The following NRXN1 variants were observed in gnomAD, a reference collection of about 807,000 sequenced individuals.
NRXN1 encodes neurexin 1, also known as neurexin-1.
NRXN1 carries 39 observed loss-of-function variants against 150.9 expected under a neutral mutation model. That is an observed-to-expected ratio of 0.26 (90% CI 0.20 to 0.34). The LOEUF (loss-of-function observed/expected upper bound fraction) is 0.34. NRXN1 is among the 10% of genes least tolerant of loss of function. The probability of loss-of-function intolerance (pLI) is 1.00; values close to 1 mark genes in which losing one functional copy is unlikely to be tolerated. For synonymous variants in NRXN1, 924 were observed against 757.0 expected (o/e 1.22, Z -3.62); for missense variants, 1,815 against 1,949.9 (o/e 0.93, Z 1.30).
chr2:50,774,794 T>A (rs918187294), intron 5 of NRXN1, among the ~76,000 whole-genome samples: 29 of 152,114 alleles, frequency 1.9e-4, no homozygotes, highest in South Asian at 6.2e-4. Flanking sequence ...CATCCATAAA[T>A]TTTTTCTTAC....
chr2:50,409,475 A>G lies in NRXN1; in HGVS notation c.3364+55967T>C, dbSNP rs76764298. On this transcript the variant is annotated intron_variant, in intron 17 of 22. Coordinates refer to ENST00000401669, the MANE Select transcript of NRXN1 (RefSeq NM_001330078.2). ...AGGCAAAGAGAAAATGACCATTTGC[A>G]TCTCTTGGTTATAAGTAGGCTTGTC... 3.6e-3 allele frequency among the ~76,000 whole-genome samples: 542 copies of G among 152,344 alleles called. 3 individuals are homozygous for G. The highest frequency in any genetic ancestry group is 0.012 in the African/African-American group (493 of 41,582).
intron 5 of NRXN1, among the ~76,000 whole-genome samples, chr2:50,716,114 T>G (rs1347344101): frequency 6.6e-6 from 1 of 152,130 alleles, no homozygotes; most frequent in African/African-American, 2.4e-5. Context: ...ATGACTAATA[T>G]AAAAATTGGC....
chr2:51,007,761 A>G (rs2105158009), intron 2 of NRXN1, among the ~76,000 whole-genome samples: 1 of 152,052 alleles, frequency 6.6e-6, no homozygotes, highest in South Asian at 2.1e-4. Context: ...TTGTGGACAA[A>G]TACATAGAGT....
intron 2 of NRXN1, among the ~76,000 whole-genome samples, chr2:50,991,142 T>C (rs1000974307): frequency 1.3e-5 from 2 of 152,056 alleles, no homozygotes; most frequent in African/African-American, 2.4e-5. Flanking sequence ...CATTTCTTTG[T>C]TGTCCTGAAT....
intron 18 of NRXN1, among the ~76,000 whole-genome samples, chr2:50,152,788 G>T (rs894127991): frequency 5.9e-5 from 9 of 151,650 alleles, no homozygotes; most frequent in African/African-American, 2.2e-4. Context: ...ATTCTAATAT[G>T]ACTCAGTGGT....
At chr2:50,665,556 T>A (rs372240514) in intron 5 of NRXN1, among the ~76,000 whole-genome samples, 1 of 151,942 alleles carries the variant, frequency 6.6e-6, no homozygotes, top group Non-Finnish European at 1.5e-5. Flanking sequence ...TGCTCACCAC[T>A]TGAAGTCAGA....
At chr2:50,069,542 T>C (rs1013091462) in intron 19 of NRXN1, among the ~76,000 whole-genome samples, 8 of 152,214 alleles carry the variant, frequency 5.3e-5, no homozygotes, top group African/African-American at 1.9e-4. Flanking sequence ...ATATTTGGCT[T>C]GACATGTTCT....
At position 50,666,878 on chromosome 2, in the gene NRXN1, G is replaced by GTGTGTGTGTGT. The variant is rs1559097612; in HGVS notation, c.833-43264_833-43263insACACACACACA. 9.3e-5 allele frequency among the ~76,000 whole-genome samples: 12 copies of GTGTGTGTGTGT among 128,854 alleles called. 1 individual carries two copies. In the South Asian group the frequency reaches 3.3e-3, roughly 35 times the overall value. 84.5% of individuals were successfully genotyped at this position (128,854 alleles called of 152,430 possible). A position where few individuals can be genotyped will look rare whatever the true frequency, so the allele number is the denominator to read the frequency against. ...TGATGATGATGATGATGATGATGATGATGTGTGTGTGTGTGTGTGTGTGTG... is the reference window on the plus strand; with the variant it reads ...TGATGATGATGATGATGATGATGATGTGTGTGTGTGTATGTGTGTGTGTGTGTGTGTGTGTG... On this transcript the variant is annotated intron_variant, in intron 5 of 22. Transcript: ENST00000401669.
intron 21 of NRXN1, among the ~76,000 whole-genome samples, chr2:49,979,020 C>G (rs529101835): frequency 6.6e-6 from 1 of 152,134 alleles, no homozygotes; most frequent in South Asian, 2.1e-4. Flanking sequence ...GGAAGGAGGT[C>G]GGGTGCGGGG....
At chr2:50,841,155 G>C (rs1032890149) in intron 5 of NRXN1, 2 of 152,546 alleles carry the variant, frequency 1.3e-5, no homozygotes, top group African/African-American at 4.8e-5. Context: ...CTAGAGGAAA[G>C]AGACAGACTA....
At chr2:50,102,555 G>A (rs907301911) in intron 18 of NRXN1, among the ~76,000 whole-genome samples, 13 of 152,042 alleles carry the variant, frequency 8.6e-5, no homozygotes, top group African/African-American at 3.1e-4. Context: ...TGGTGCTGCT[G>A]TCATTATGAA....
chr2:50,166,317 GTGTGTGTT>G (rs1223525164), intron 18 of NRXN1, among the ~76,000 whole-genome samples: 6 of 139,800 alleles, frequency 4.3e-5, no homozygotes, highest in Non-Finnish European at 6.2e-5. Context: ...GTGTGTGTGT[GTGTGTGTT>G]TGTGTGTGTG....
At chr2:49,926,671 G>T (rs973275393) in intron 22 of NRXN1, among the ~76,000 whole-genome samples, 5 of 152,078 alleles carry the variant, frequency 3.3e-5, no homozygotes, top group African/African-American at 9.7e-5. Context: ...AAATCTTTAA[G>T]ATTTTAATTT....
chr2:50,036,336 G>A (rs1690030923), intron 21 of NRXN1, among the ~76,000 whole-genome samples: 1 of 152,082 alleles, frequency 6.6e-6, no homozygotes, highest in African/African-American at 2.4e-5. Flanking sequence ...CTTTCACCAT[G>A]ATTGTAAGTT....
At chr2:50,051,095 T>C (rs1441603975) in intron 21 of NRXN1, among the ~76,000 whole-genome samples, 3 of 152,000 alleles carry the variant, frequency 2.0e-5, no homozygotes, top group South Asian at 2.1e-4. Context: ...AAACATGTAA[T>C]AGCTTATAAT....
rs562767192 is a variant in NRXN1, at chr2:50,167,715, C to A, written c.3546+69074G>T. 3.0e-4 allele frequency among the ~76,000 whole-genome samples: 45 copies of A among 152,230 alleles called. 1 individual carries two copies. In the South Asian group the frequency reaches 9.4e-3, roughly 32 times the overall value. On this transcript the variant is annotated intron_variant, in intron 18 of 22. Coordinates refer to ENST00000401669, the MANE Select transcript of NRXN1 (RefSeq NM_001330078.2). ...AAAGTTAACTGTACACTAGAGTTAA[C>A]TAGGGACCTTTAACAAATTTTGATG... is the stretch of plus-strand genomic sequence containing the variant.
intron 12 of NRXN1, among the ~76,000 whole-genome samples, chr2:50,512,089 A>G (rs2092472164): frequency 6.6e-6 from 1 of 152,190 alleles, no homozygotes; most frequent in Non-Finnish European, 1.5e-5. Context: ...ATTAAAAAAA[A>G]AACTTTCCTA....
chr2:50,868,467 C>T (rs1009890184), intron 5 of NRXN1, among the ~76,000 whole-genome samples: 4 of 151,352 alleles, frequency 2.6e-5, no homozygotes, highest in African/African-American at 9.7e-5. Flanking sequence ...GTACATTATT[C>T]AGGTGATGGT....
intron 18 of NRXN1, among the ~76,000 whole-genome samples, chr2:50,197,120 T>G (rs1339564962): frequency 5.3e-5 from 8 of 152,140 alleles, no homozygotes; most frequent in Non-Finnish European, 8.8e-5. Context: ...AGCAAACTTT[T>G]TTTCAGAAAA....
Sources: allele counts gnomAD v4.1 joint callset (sites outside exome capture counted in the v4.1 genomes callset), GRCh38; gene constraint gnomAD v4.1.1; transcripts MANE v1.5; gene names NCBI Gene and HGNC (gene_info 2026-07-23, HGNC 2026-07-21).